ITM2B: variants seen among roughly 807,000 people sequenced by gnomAD.
The protein encoded by ITM2B is integral membrane protein 2B.
ITM2B carries 11 observed loss-of-function variants against 27.8 expected under a neutral mutation model. That is an observed-to-expected ratio of 0.40 (90% CI 0.25 to 0.66). The LOEUF (loss-of-function observed/expected upper bound fraction) is 0.66, where lower values mean the gene tolerates loss of function less well. ITM2B is among the 30% of genes least tolerant of loss of function. The probability of loss-of-function intolerance (pLI) is 0.43; values close to 1 mark genes in which losing one functional copy is unlikely to be tolerated. For missense variants in ITM2B, 296 were observed against 328.9 expected, an observed-to-expected ratio of 0.90 and a Z score of 0.77; for synonymous variants, 114 against 114.3, an observed-to-expected ratio of 1.00 and a Z score of 0.02.
chr13:48,236,048 A>G (rs190425138), intron 1 of ITM2B, among the ~76,000 whole-genome samples: 5 of 152,122 alleles, frequency 3.3e-5, no homozygotes, highest in African/African-American at 9.7e-5. Flanking sequence ...AAACAGTTCT[A>G]TTACCCCATT....
At position 48,266,406 on chromosome 13, in the gene ITM2B, A is replaced by AT. The variant is rs1234971797; in HGVS notation, c.*5183dup. ...TAAAAGTTTCCTCAGAGATGCCACCATAGCTCTCTATTTCTCATACCTTTC... is the reference window on the plus strand; with the variant it reads ...TAAAAGTTTCCTCAGAGATGCCACCATTAGCTCTCTATTTCTCATACCTTTC... On this transcript the variant is annotated 3_prime_UTR_variant, in exon 6 of 6. Transcript: ENST00000647800. The AT allele has an allele frequency of 6.6e-6, 1 of 152,240 alleles. No individual in the cohort carries two copies. The highest frequency in any genetic ancestry group is 1.9e-4 in the East Asian group (1 of 5,204). The allele number at this position is 152,240 out of a possible 1,614,324, so 9.4% of individuals were successfully genotyped here.
At chr13:48,233,611 G>A (rs941630344) in intron 1 of ITM2B, 134 bp downstream of exon 1, 1 of 509,374 alleles carries the variant, frequency 2.0e-6, no homozygotes, top group Non-Finnish European at 3.4e-6. Context: ...GAGAGAGCCC[G>A]GCGCTCCCGT....
At chr13:48,242,779 C>T (rs1206101570) in intron 1 of ITM2B, among the ~76,000 whole-genome samples, 1 of 151,850 alleles carries the variant, frequency 6.6e-6, no homozygotes, top group African/African-American at 2.4e-5. Flanking sequence ...TGGTGATTTT[C>T]TCCTTATATC....
chr13:48,235,182 G>C (rs1316724888), intron 1 of ITM2B, among the ~76,000 whole-genome samples: 1 of 152,166 alleles, frequency 6.6e-6, no homozygotes, highest in Non-Finnish European at 1.5e-5. Flanking sequence ...AATTACATTT[G>C]CTGAGCACCA....
At chr13:48,250,312 G>T (rs1951747333) in intron 1 of ITM2B, among the ~76,000 whole-genome samples, 1 of 151,964 alleles carries the variant, frequency 6.6e-6, no homozygotes, top group Non-Finnish European at 1.5e-5. Context: ...AAATAACCAG[G>T]CTTTTTAAAA....
chr13:48,242,032 G>C (rs1014657046), intron 1 of ITM2B, among the ~76,000 whole-genome samples: 2 of 152,114 alleles, frequency 1.3e-5, no homozygotes, highest in Admixed American at 1.3e-4. Flanking sequence ...TGCAGTTTTA[G>C]ATAATACCTA....
At chr13:48,236,494 C>A (rs1315697721) in intron 1 of ITM2B, among the ~76,000 whole-genome samples, 1 of 152,124 alleles carries the variant, frequency 6.6e-6, no homozygotes, top group East Asian at 1.9e-4. Flanking sequence ...CTTCCAGTTT[C>A]AAAAATCTAT....
At chr13:48,249,917 A>T (rs1482572939) in intron 1 of ITM2B, among the ~76,000 whole-genome samples, 2 of 152,058 alleles carry the variant, frequency 1.3e-5, no homozygotes. Context: ...AGTAAAGCTT[A>T]CTCTTTGAAG....
At chr13:48,234,254 A>G (rs1266493509) in intron 1 of ITM2B, among the ~76,000 whole-genome samples, 1 of 152,130 alleles carries the variant, frequency 6.6e-6, no homozygotes, top group Admixed American at 6.5e-5. Context: ...TTATTTTACA[A>G]AATCTCCCTT....
Position 48,259,349 on chromosome 13 carries a change from T to C in ITM2B, c.715+402T>C, listed in dbSNP as rs9332297. Reference sequence around the variant, plus strand: ...CAGGCTGTTTGCCTTTTGGATCATATTGGGAATAATCACTGTCAGGGTAGT... The same window carrying C: ...CAGGCTGTTTGCCTTTTGGATCATACTGGGAATAATCACTGTCAGGGTAGT... On this transcript the variant is annotated intron_variant, in intron 5 of 5. Transcript: ENST00000647800. 3.3e-3 allele frequency among the ~76,000 whole-genome samples: 496 copies of C among 152,336 alleles called. 7 individuals carry two copies. The highest frequency in any genetic ancestry group is 0.012 in the African/African-American group (482 of 41,586).
rs1381704954 is a variant in ITM2B, at chr13:48,262,951, T to G, written c.*1727T>G. 1 of 152,134 alleles carries G rather than the reference T, an allele frequency of 6.6e-6. No individual in the cohort carries two copies. Among genetic ancestry groups the G allele is most frequent in the Admixed American group, 6.6e-5 (1 of 15,258 alleles). 9.4% of individuals were successfully genotyped at this position (152,134 alleles called of 1,614,324 possible). On this transcript the variant is annotated 3_prime_UTR_variant, in exon 6 of 6. Transcript: ENST00000647800. ...TGAAGTTTTGCATTTTGGAAGGAGCTTATTAGTTTGTTTTCCTGTTGATTA... is the reference window on the plus strand; with the variant it reads ...TGAAGTTTTGCATTTTGGAAGGAGCGTATTAGTTTGTTTTCCTGTTGATTA...
intron 1 of ITM2B, among the ~76,000 whole-genome samples, chr13:48,240,781 A>G (rs1951695664): frequency 6.6e-6 from 1 of 152,244 alleles, no homozygotes; most frequent in African/African-American, 2.4e-5. Flanking sequence ...AAAAAATTGT[A>G]GCATCATTGT....
chr13:48,263,683 A>C lies in ITM2B; in HGVS notation c.*2459A>C, dbSNP rs1373666554. ...TCCAGAAGCTGGAAAGTTCAAGATC[A>C]AGTCACCTGCAGATTCAGTGTCTGA... On this transcript the variant is annotated 3_prime_UTR_variant, in exon 6 of 6. Coordinates refer to ENST00000647800, the MANE Select transcript of ITM2B (RefSeq NM_021999.5). 1 of 152,220 alleles carries C rather than the reference A, an allele frequency of 6.6e-6. No individual in the cohort carries two copies. The highest frequency in any genetic ancestry group is 1.9e-4 in the East Asian group (1 of 5,192). 9.4% of individuals were successfully genotyped at this position (152,220 alleles called of 1,614,324 possible).
At chr13:48,244,426 A>G (rs1270962815) in intron 1 of ITM2B, among the ~76,000 whole-genome samples, 2 of 152,356 alleles carry the variant, frequency 1.3e-5, no homozygotes, top group East Asian at 3.9e-4. Context: ...GGCTCATAGG[A>G]TCAAAGCACT....
chr13:48,257,309 A>G (rs1036021165), intron 3 of ITM2B, among the ~76,000 whole-genome samples: 2 of 152,190 alleles, frequency 1.3e-5, no homozygotes, highest in Non-Finnish European at 2.9e-5. Flanking sequence ...TAATATGTTT[A>G]CATTTCTGTT....
Position 48,258,898 on chromosome 13 carries a change from G to A in ITM2B, c.666G>A (p.Leu222=), listed in dbSNP as rs1323824319. The change falls in exon 5 of 6, where the codon CTG becomes CTA. Residue 222 remains leucine (L), a synonymous_variant. Coordinates refer to ENST00000647800, the MANE Select transcript of ITM2B (RefSeq NM_021999.5). The part of the protein sequence containing the change: ...IDHLGFFIYR[L]CHDKETYKLQ... ...ACCTGGGTTTCTTTATTTATCGACT[G>A]TGTCATGACAAGGAAACTTACAAAC... 2 of 1,613,174 alleles carry A rather than the reference G, an allele frequency of 1.2e-6. No homozygotes were observed.
At chr13:48,234,289 G>C (rs1291813190) in intron 1 of ITM2B, among the ~76,000 whole-genome samples, 1 of 151,950 alleles carries the variant, frequency 6.6e-6, no homozygotes, top group Non-Finnish European at 1.5e-5. Flanking sequence ...TTCATGAAGT[G>C]GGGCTGTTAC....
intron 3 of ITM2B, 114 bp downstream of exon 3, chr13:48,256,497 CTG>C (rs1296804364): frequency 2.3e-5 from 20 of 872,216 alleles, no homozygotes; most frequent in South Asian, 4.4e-5. Context: ...GTTTAATAAA[CTG>C]TCAGCATTTG....
chr13:48,237,118 G>T lies in ITM2B; in HGVS notation c.117+3641G>T, dbSNP rs561909988. Among the ~76,000 whole-genome samples, 18 of 152,284 alleles carry T rather than the reference G, an allele frequency of 1.2e-4. No homozygotes were observed. In the East Asian group the frequency reaches 3.5e-3, roughly 29 times the overall value. ...GCTTTTCGTTTGTGGTGGTGGTTTT[G>T]TTTGTGTGTTTTTTGGGGAGTGAGG... On this transcript the variant is annotated intron_variant, in intron 1 of 5. Transcript: ENST00000647800.
Sources: gnomAD v4.1 joint callset for allele counts (sites outside exome capture counted in the v4.1 genomes callset) on GRCh38, gnomAD v4.1.1 for gene constraint, MANE v1.5 for transcripts, NCBI Gene and HGNC (gene_info 2026-07-23, HGNC 2026-07-21) for gene names.